Variants in MRTFB observed in about 807,000 individuals in gnomAD.
The protein encoded by MRTFB is myocardin related transcription factor B, also known as myocardin-related transcription factor B.
A neutral mutation model predicts 104.2 loss-of-function variants in MRTFB; 29 were observed. The ratio of observed to expected loss-of-function variants is 0.28; its 90% confidence interval spans 0.21 to 0.38. MRTFB has a LOEUF of 0.38. Among genes scored for constraint, MRTFB ranks in the 10% least tolerant of loss-of-function variants. The probability of loss-of-function intolerance (pLI) is 1.00; values close to 1 mark genes in which losing one functional copy is unlikely to be tolerated. For missense variants in MRTFB, 1,270 were observed against 1,341.6 expected, an observed-to-expected ratio of 0.95 and a Z score of 0.83; for synonymous variants, 535 against 519.5, an observed-to-expected ratio of 1.03 and a Z score of -0.41.
At chr16:14,026,545 A>G in the MRTFB span, among the ~76,000 whole-genome samples, 55 of 152,316 alleles carry the variant, frequency 3.6e-4, no homozygotes, top group Admixed American at 3.3e-4. Flanking sequence ...AAAATTCATA[A>G]TTTGGACTTT....
chr16:14,134,799 G>C (rs1320082270), intron 2 of MRTFB, among the ~76,000 whole-genome samples: 1 of 152,100 alleles, frequency 6.6e-6, no homozygotes, highest in Non-Finnish European at 1.5e-5. Context: ...TGTTATCAGG[G>C]CAGGAATGTG....
chr16:14,205,172 G>A (rs931585478), intron 3 of MRTFB, among the ~76,000 whole-genome samples: 5 of 152,010 alleles, frequency 3.3e-5, no homozygotes, highest in African/African-American at 1.2e-4. Context: ...TGATATTATC[G>A]GTGATTTTCT....
At chr16:14,023,451 C>T in the MRTFB span, among the ~76,000 whole-genome samples, 1 of 151,712 alleles carries the variant, frequency 6.6e-6, no homozygotes, top group Non-Finnish European at 1.5e-5. Context: ...GCTCTGGAGC[C>T]TGATGGCCTG....
chr16:14,056,612 T>C, the MRTFB span, among the ~76,000 whole-genome samples: 1 of 152,194 alleles, frequency 6.6e-6, no homozygotes, highest in African/African-American at 2.4e-5. Flanking sequence ...TGGTCTCTCT[T>C]TTTTTGGAGA....
the MRTFB span, among the ~76,000 whole-genome samples, chr16:14,057,622 T>C: frequency 6.6e-6 from 1 of 152,162 alleles, no homozygotes; most frequent in Non-Finnish European, 1.5e-5. Context: ...TTTCCTTAAG[T>C]TCCCTGTTCT....
chr16:14,023,610 C>CACATATACATATACAT, the MRTFB span, among the ~76,000 whole-genome samples: 4 of 106,976 alleles, frequency 3.7e-5, no homozygotes, highest in African/African-American at 1.1e-4. Flanking sequence ...CACACACACA[C>CACATATACATATACAT]ATACATATAC....
rs182427321 is a variant in MRTFB at position 14,075,775 on chromosome 16, C to T, written c.-128-3515C>T. On this transcript the variant is annotated intron_variant, in intron 1 of 16. Transcript: ENST00000571589. Reference sequence around the variant, plus strand: ...ATTGGAGGAAACAAAAGCACTTTGTCTTATAATTTATGGTGATGGCCACAC... The same window carrying T: ...ATTGGAGGAAACAAAAGCACTTTGTTTTATAATTTATGGTGATGGCCACAC... 3.6e-3 allele frequency among the ~76,000 whole-genome samples: 547 copies of T among 152,270 alleles called. 7 individuals carry two copies. Among genetic ancestry groups the T allele is most frequent in the Non-Finnish European group, 4.0e-3 (272 of 68,012 alleles).
the MRTFB span, among the ~76,000 whole-genome samples, chr16:14,048,678 C>A: frequency 4.6e-5 from 7 of 152,180 alleles, no homozygotes; most frequent in Non-Finnish European, 8.8e-5. Context: ...TGATTCATGT[C>A]TTCAAAGGAA....
intron 3 of MRTFB, among the ~76,000 whole-genome samples, chr16:14,169,479 A>C (rs1233631317): frequency 1.3e-5 from 2 of 152,076 alleles, no homozygotes; most frequent in African/African-American, 4.8e-5. Context: ...TTTAATTATG[A>C]AATTTTGGAG....
chr16:14,247,153 C>A lies in MRTFB; in HGVS notation c.1893C>A (p.His631Gln). The A allele has an allele frequency of 8.7e-6, 14 of 1,614,166 alleles. No homozygotes were observed. Among genetic ancestry groups the A allele is most frequent in the Non-Finnish European group, 1.2e-5 (14 of 1,180,040 alleles). ...ATTCTGTCAAGTCAGATCAGAAGCA[C>A]GGCAGCCTTGGCTCCTCCATCAAAG... is the stretch of plus-strand genomic sequence containing the variant. The part of the protein sequence containing the change: ...PGHSVKSDQK[H>Q]GSLGSSIKDE... The change falls in exon 12 of 17, where the codon CAC (histidine) becomes CAA (glutamine). Residue 631 changes from histidine to glutamine, a missense_variant. By Grantham distance (24) the His-to-Gln change is conservative. This residue lies in a region of MRTFB where 1,144 missense variants were observed against 1,131.5 expected (regional missense o/e 1.01). Transcript: ENST00000571589.
intron 13 of MRTFB, among the ~76,000 whole-genome samples, chr16:14,250,957 A>G (rs1278314182): frequency 6.6e-6 from 1 of 152,216 alleles, no homozygotes; most frequent in Non-Finnish European, 1.5e-5. Flanking sequence ...AAAAAGGAGA[A>G]AAATCGTTTG....
At chr16:14,036,857 C>T in the MRTFB span, among the ~76,000 whole-genome samples, 1 of 152,126 alleles carries the variant, frequency 6.6e-6, no homozygotes, top group South Asian at 2.1e-4. Flanking sequence ...CCCCACTGAA[C>T]CCCAAACACG....
the MRTFB span, among the ~76,000 whole-genome samples, chr16:14,064,308 A>C: frequency 6.6e-6 from 1 of 152,062 alleles, no homozygotes; most frequent in South Asian, 2.1e-4. Context: ...TCCATTGCCC[A>C]CTTTTTAATG....
At chr16:14,028,644 C>A in the MRTFB span, among the ~76,000 whole-genome samples, 1 of 152,202 alleles carries the variant, frequency 6.6e-6, no homozygotes, top group African/African-American at 2.4e-5. Context: ...ATTTTACTGC[C>A]CACTTTGGGA....
intron 6 of MRTFB, among the ~76,000 whole-genome samples, chr16:14,214,392 A>G (rs1240174537): frequency 6.6e-6 from 1 of 152,194 alleles, no homozygotes; most frequent in Admixed American, 6.5e-5. Context: ...TTGAGAGACA[A>G]TTGTCAGGTA....
intron 3 of MRTFB, among the ~76,000 whole-genome samples, chr16:14,192,480 TA>T (rs1268762714): frequency 6.6e-6 from 1 of 152,190 alleles, no homozygotes. Flanking sequence ...AAAAGGTGCA[TA>T]CTACTATTGA....
At chr16:14,199,857 T>C (rs1017422827) in intron 3 of MRTFB, among the ~76,000 whole-genome samples, 2 of 152,230 alleles carry the variant, frequency 1.3e-5, no homozygotes, top group African/African-American at 2.4e-5. Context: ...CCCAGCCCCA[T>C]TGTCCTCACT....
chr16:14,235,675 C>T (rs745595491), intron 9 of MRTFB, among the ~76,000 whole-genome samples: 4 of 152,136 alleles, frequency 2.6e-5, no homozygotes, highest in Non-Finnish European at 5.9e-5. Context: ...AGCTGTTTCC[C>T]ATCCTTCACT....
chr16:14,242,788 T>C (rs1019323395), intron 10 of MRTFB, among the ~76,000 whole-genome samples: 9 of 152,102 alleles, frequency 5.9e-5, no homozygotes, highest in Non-Finnish European at 1.2e-4. Flanking sequence ...TAGATTAACA[T>C]GTTTCTGTTA....
Sources: allele counts gnomAD v4.1 joint callset (sites outside exome capture counted in the v4.1 genomes callset), GRCh38; gene constraint gnomAD v4.1.1; regional missense constraint gnomAD v4.1.1; transcripts MANE v1.5; gene names NCBI Gene and HGNC (gene_info 2026-07-23, HGNC 2026-07-21).